The following HMCN1 variants were observed in gnomAD, a reference collection of about 807,000 sequenced individuals.
HMCN1 encodes the protein hemicentin-1.
Under a neutral mutation model 625.9 loss-of-function variants are expected in HMCN1, and 321 were observed. The observed-to-expected ratio is 0.51, with a 90% CI of 0.47 to 0.56. The LOEUF is 0.56. Among genes scored for constraint, HMCN1 ranks in the 20% least tolerant of loss-of-function variants. The probability of loss-of-function intolerance (pLI) is 0.00; values close to 1 mark genes in which losing one functional copy is unlikely to be tolerated. For missense variants in HMCN1, 6,588 were observed against 6,887.3 expected (o/e 0.96, Z 1.54); for synonymous variants, 2,425 against 2,417.6 (o/e 1.00, Z -0.09).
intron 19 of HMCN1, 90 bp downstream of exon 19, chr1:185,984,403 A>G (rs1651875139): frequency 1.3e-5 from 15 of 1,135,474 alleles, no homozygotes; most frequent in Non-Finnish European, 1.7e-5. Context: ...TCCTCTAATT[A>G]CAATTAGATA....
chr1:186,003,036 C>T (rs1047446733), intron 28 of HMCN1, among the ~76,000 whole-genome samples: 11 of 152,078 alleles, frequency 7.2e-5, no homozygotes, highest in Non-Finnish European at 1.3e-4. Flanking sequence ...CTACTGTAAT[C>T]CATTCTTCAC....
chr1:186,138,814 T>C (rs1384902291), intron 89 of HMCN1, among the ~76,000 whole-genome samples: 1 of 152,196 alleles, frequency 6.6e-6, no homozygotes, highest in Non-Finnish European at 1.5e-5. Context: ...GGTATTTTAA[T>C]AGCCATCTTG....
At chr1:185,742,422 T>A (rs1248488737) in intron 1 of HMCN1, among the ~76,000 whole-genome samples, 1 of 88,672 alleles carries the variant, frequency 1.1e-5, no homozygotes, top group African/African-American at 3.8e-5. Flanking sequence ...CCTCCAGGAC[T>A]TTTTTTTTAG....
chr1:185,989,606 C>A lies in HMCN1; in HGVS notation c.3167C>A (p.Thr1056Lys). ...GAGTATGTCTGCACTGCCACCAATA[C>A]AGCCGGCTACGCCAAAAGGAAAGTG... ...SGEYVCTATN[T>K]AGYAKRKVQL... Residue 1056 changes from threonine to lysine, a missense_variant, in exon 21 of 107, where the codon ACA becomes AAA. By Grantham distance (78) the Thr-to-Lys change is moderately conservative. Around this residue, in one of 3 missense-constraint regions of HMCN1, gnomAD observed 4,628 missense variants for 4,853.1 expected, o/e 0.95. Transcript: ENST00000271588. 1 of 1,614,002 alleles carries A rather than the reference C, an allele frequency of 6.2e-7. No homozygotes were observed. Among genetic ancestry groups the A allele is most frequent in the Non-Finnish European group, 8.5e-7 (1 of 1,179,964 alleles).
At chr1:186,170,497 C>G (rs939084519) in intron 100 of HMCN1, among the ~76,000 whole-genome samples, 1 of 152,086 alleles carries the variant, frequency 6.6e-6, no homozygotes, top group Admixed American at 6.6e-5. Context: ...CACATGCACA[C>G]GTATGTTTAT....
In HMCN1 at chr1:186,069,731, A is replaced by T; in HGVS notation, c.7948A>T (p.Asn2650Tyr). ...NAGRYSCVAT[N>Y]EAGEMIKHYE... Reference sequence around the variant, plus strand: ...TGGAAGATACTCTTGTGTAGCCACGAATGAGGCTGGAGAAATGATAAAGCA... The same window carrying T: ...TGGAAGATACTCTTGTGTAGCCACGTATGAGGCTGGAGAAATGATAAAGCA... The change falls in exon 51 of 107, where the codon AAT becomes TAT. Residue 2650 changes from asparagine (N) to tyrosine (Y), a missense_variant. Physicochemically the swap from Asn to Tyr is moderately radical, Grantham distance 143. Coordinates refer to ENST00000271588, the MANE Select transcript of HMCN1 (RefSeq NM_031935.3). 6.2e-7 allele frequency: 1 copy of T among 1,613,558 alleles called. No individual in the cohort carries two copies.
intron 66 of HMCN1, 46 bp from the exon 67 acceptor site, chr1:186,094,227 CTTG>C (rs756328497): frequency 4.9e-5 from 65 of 1,334,946 alleles, no homozygotes; most frequent in Admixed American, 2.7e-4. Context: ...TTTATGTGTA[CTTG>C]TTGTATGGGA....
intron 4 of HMCN1, among the ~76,000 whole-genome samples, chr1:185,893,819 A>G (rs926143774): frequency 1.3e-5 from 2 of 152,226 alleles, no homozygotes; most frequent in African/African-American, 4.8e-5. Flanking sequence ...AAGTGCACAT[A>G]AGCATACAGC....
chr1:185,966,398 A>G (rs1471262762), intron 14 of HMCN1, among the ~76,000 whole-genome samples: 2 of 152,196 alleles, frequency 1.3e-5, no homozygotes, highest in Non-Finnish European at 2.9e-5. Flanking sequence ...TACATCATAC[A>G]TGGTAAATGC....
At chr1:185,935,464 A>G (rs1036020084) in intron 11 of HMCN1, among the ~76,000 whole-genome samples, 5 of 152,174 alleles carry the variant, frequency 3.3e-5, no homozygotes, top group Non-Finnish European at 5.9e-5. Context: ...AGAATGAACC[A>G]TATGATCTAG....
rs1394695819 is a variant in HMCN1 at position 185,909,326 on chromosome 1, CT to C, written c.622-10del. On this transcript the variant is annotated splice_polypyrimidine_tract_variant and intron_variant, in intron 4 of 106. Coordinates refer to ENST00000271588, the MANE Select transcript of HMCN1 (RefSeq NM_031935.3). Reference sequence around the variant, plus strand: ...TCTGATATCACTTACACTTCTCTTTCTCTCTTATAGGTATTAAAATGGGTAG... The same window carrying C: ...TCTGATATCACTTACACTTCTCTTTCCTCTTATAGGTATTAAAATGGGTAG... 6.2e-7 allele frequency: 1 copy of C among 1,602,620 alleles called. No homozygotes were observed. The highest frequency in any genetic ancestry group is 1.7e-5 in the Admixed American group (1 of 59,886).
intron 104 of HMCN1, 54 bp downstream of exon 104, chr1:186,178,820 G>A: frequency 8.7e-7 from 1 of 1,152,548 alleles, no homozygotes; most frequent in Non-Finnish European, 1.3e-6. Context: ...ACTGATCAAA[G>A]TATGTGTACA....
intron 1 of HMCN1, among the ~76,000 whole-genome samples, chr1:185,744,456 C>G (rs1279981333): frequency 1.3e-5 from 2 of 152,102 alleles, no homozygotes; most frequent in African/African-American, 4.8e-5. Flanking sequence ...ATTGGAAAAC[C>G]AACAAGAGAA....
intron 1 of HMCN1, among the ~76,000 whole-genome samples, chr1:185,817,170 G>C (rs1361190437): frequency 6.6e-6 from 1 of 152,166 alleles, no homozygotes; most frequent in Non-Finnish European, 1.5e-5. Flanking sequence ...AGTCCAGCAG[G>C]GATGACATGT....
At chr1:185,879,747 T>G (rs1009907954) in intron 4 of HMCN1, among the ~76,000 whole-genome samples, 1 of 152,142 alleles carries the variant, frequency 6.6e-6, no homozygotes, top group African/African-American at 2.4e-5. Context: ...ACCCAGTTGA[T>G]GGCAAGTTCA....
At chr1:185,989,681 A>T (rs1237312819) in intron 21 of HMCN1, 34 bp downstream of exon 21, 2 of 1,608,198 alleles carry the variant, frequency 1.2e-6, no homozygotes, top group Non-Finnish European at 1.7e-6. Context: ...TTTTATTGAC[A>T]TTGTCTATCT....
intron 97 of HMCN1, among the ~76,000 whole-genome samples, chr1:186,164,842 G>C (rs76803816): frequency 0.011 from 1,687 of 152,232 alleles, 36 homozygotes; most frequent in African/African-American, 0.037. Context: ...ACCCTTTTTA[G>C]TTATCACATA....
intron 48 of HMCN1, among the ~76,000 whole-genome samples, chr1:186,064,896 CTG>C (rs1180453780): frequency 2.0e-5 from 3 of 149,390 alleles, no homozygotes; most frequent in East Asian, 3.9e-4. Flanking sequence ...TATTTAAAAA[CTG>C]TACTTTACTA....
chr1:185,816,418 C>G (rs1659849116), intron 1 of HMCN1, among the ~76,000 whole-genome samples: 1 of 152,192 alleles, frequency 6.6e-6, no homozygotes, highest in African/African-American at 2.4e-5. Flanking sequence ...TCACAGCTTT[C>G]AAATCTCTTG....
Sources: gnomAD v4.1 joint callset for allele counts (sites outside exome capture counted in the v4.1 genomes callset) on GRCh38, gnomAD v4.1.1 for gene constraint, gnomAD v4.1.1 regional missense constraint, MANE v1.5 for transcripts, NCBI Gene and HGNC (gene_info 2026-07-23, HGNC 2026-07-21) for gene names.